GRIN2A: variants seen among roughly 807,000 people sequenced by gnomAD.
GRIN2A encodes the protein glutamate receptor ionotropic, NMDA 2A.
A neutral mutation model predicts 113.4 loss-of-function variants in GRIN2A; 22 were observed. That is an observed-to-expected ratio of 0.19 (90% CI 0.14 to 0.28). The LOEUF (loss-of-function observed/expected upper bound fraction) is 0.28, where lower values mean the gene tolerates loss of function less well. Ranked by LOEUF, GRIN2A falls within the 10% of genes least tolerant of loss-of-function variation. GRIN2A has a pLI of 1.00. For synonymous variants in GRIN2A, 827 were observed against 738.4 expected (o/e 1.12, Z -1.94); for missense variants, 1,502 against 1,887.0 (o/e 0.80, Z 3.78).
chr16:10,103,079 T>G (rs945170670), intron 2 of GRIN2A, among the ~76,000 whole-genome samples: 4 of 152,172 alleles, frequency 2.6e-5, no homozygotes, highest in African/African-American at 9.7e-5. Context: ...GATACTAATA[T>G]AGCAATTCCT....
chr16:10,176,868 A>C (rs1166624183), intron 2 of GRIN2A, among the ~76,000 whole-genome samples: 1 of 152,248 alleles, frequency 6.6e-6, no homozygotes, highest in African/African-American at 2.4e-5. Flanking sequence ...AAATAAAAAA[A>C]GTTAAAAAAA....
chr16:10,167,028 G>A (rs1456154809), intron 2 of GRIN2A, among the ~76,000 whole-genome samples: 2 of 152,188 alleles, frequency 1.3e-5, no homozygotes, highest in East Asian at 3.8e-4. Flanking sequence ...CTGATCAACA[G>A]TGGGCTATAG....
intron 4 of GRIN2A, among the ~76,000 whole-genome samples, chr16:9,876,666 G>A (rs2043372983): frequency 6.6e-6 from 1 of 152,158 alleles, no homozygotes; most frequent in African/African-American, 2.4e-5. Flanking sequence ...ACCTACTACA[G>A]GCCTGGCACT....
At chr16:9,855,299 G>T (rs904745939) in intron 4 of GRIN2A, among the ~76,000 whole-genome samples, 6 of 152,300 alleles carry the variant, frequency 3.9e-5, no homozygotes, top group African/African-American at 1.4e-4. Context: ...TTCATATGCT[G>T]TTATGAGGCT....
intron 2 of GRIN2A, among the ~76,000 whole-genome samples, chr16:10,015,131 A>G (rs1036657658): frequency 2.0e-5 from 3 of 151,468 alleles, no homozygotes; most frequent in Non-Finnish European, 4.4e-5. Flanking sequence ...GCACATGCCT[A>G]TAATCCCAGC....
chr16:9,765,131 A>G (rs542258202), intron 12 of GRIN2A, among the ~76,000 whole-genome samples, 183 bp from the exon 13 acceptor site: 3 of 152,194 alleles, frequency 2.0e-5, no homozygotes, highest in Non-Finnish European at 2.9e-5. Flanking sequence ...TGCAAAGCAT[A>G]GGGTTTATCT....
intron 4 of GRIN2A, among the ~76,000 whole-genome samples, chr16:9,882,339 A>G (rs1258362505): frequency 2.0e-5 from 3 of 152,208 alleles, no homozygotes; most frequent in South Asian, 2.1e-4. Context: ...CACAGACTCA[A>G]GAGAGCAATC....
intron 2 of GRIN2A, among the ~76,000 whole-genome samples, chr16:10,036,395 G>C (rs72772342): frequency 0.094 from 13,704 of 146,150 alleles, 710 homozygotes; most frequent in Non-Finnish European, 0.11. Context: ...TTGGCTCATA[G>C]ATGGTGTTCT....
chr16:10,140,486 T>G (rs1471101146), intron 2 of GRIN2A, among the ~76,000 whole-genome samples: 1 of 152,070 alleles, frequency 6.6e-6, no homozygotes, highest in Admixed American at 6.5e-5. Flanking sequence ...ATCTAGTAAA[T>G]TTTTCTATTA....
chr16:9,834,777 A>C (rs2042559584), intron 7 of GRIN2A, among the ~76,000 whole-genome samples: 1 of 152,212 alleles, frequency 6.6e-6, no homozygotes, highest in South Asian at 2.1e-4. Flanking sequence ...AATAGAGAAG[A>C]GCATAGGACA....
chr16:9,769,240 C>G, intron 11 of GRIN2A, 151 bp from the exon 12 acceptor site: 1 of 673,044 alleles, frequency 1.5e-6, no homozygotes, highest in Non-Finnish European at 2.7e-6. Context: ...TTGCTCACTT[C>G]TTGAGTGAAG....
intron 2 of GRIN2A, among the ~76,000 whole-genome samples, chr16:10,094,411 T>C (rs1432751685): frequency 1.3e-5 from 2 of 152,168 alleles, no homozygotes; most frequent in Admixed American, 6.5e-5. Context: ...TTTAGAACTC[T>C]AGTTCTCAGT....
intron 2 of GRIN2A, among the ~76,000 whole-genome samples, chr16:9,949,423 G>GTGGATGGATGGGTGGGTGGA (rs2045112196): frequency 6.6e-6 from 1 of 151,586 alleles, no homozygotes; most frequent in African/African-American, 2.4e-5. Flanking sequence ...GGATGGACAG[G>GTGGATGGATGGGTGGGTGGA]TGGATGGATG....
chr16:10,139,520 A>G (rs2049278503), intron 2 of GRIN2A, among the ~76,000 whole-genome samples: 1 of 152,260 alleles, frequency 6.6e-6, no homozygotes, highest in African/African-American at 2.4e-5. Flanking sequence ...TGCAATTTAA[A>G]CAAGACATCC....
At chr16:9,810,873 G>A (rs879455323) in intron 10 of GRIN2A, among the ~76,000 whole-genome samples, 16 of 152,194 alleles carry the variant, frequency 1.1e-4, no homozygotes, top group Non-Finnish European at 1.9e-4. Context: ...TTCTCTATGG[G>A]AGGAAGGAGG....
intron 2 of GRIN2A, among the ~76,000 whole-genome samples, chr16:10,069,722 A>G (rs1437405424): frequency 1.3e-5 from 2 of 152,256 alleles, no homozygotes; most frequent in African/African-American, 4.8e-5. Flanking sequence ...AGATATGCCC[A>G]GCCCAGGCTG....
intron 10 of GRIN2A, among the ~76,000 whole-genome samples, chr16:9,820,624 G>A (rs151115953): frequency 3.4e-4 from 52 of 152,300 alleles, no homozygotes; most frequent in African/African-American, 1.1e-3. Flanking sequence ...CAAACACAAT[G>A]TTGAGCCAAA....
At chr16:9,813,878 T>A (rs536349418) in intron 10 of GRIN2A, among the ~76,000 whole-genome samples, 1 of 152,288 alleles carries the variant, frequency 6.6e-6, no homozygotes, top group East Asian at 1.9e-4. Flanking sequence ...TTAGAACAGC[T>A]CACTGAACCC....
chr16:10,098,921 T>A (rs2352749), intron 2 of GRIN2A, among the ~76,000 whole-genome samples: 24,747 of 149,900 alleles, frequency 0.17, 2,538 homozygotes, highest in East Asian at 0.36. Flanking sequence ...ACCAAATACC[T>A]ACTGTCCCCC....
Sources: allele counts gnomAD v4.1 joint callset (sites outside exome capture counted in the v4.1 genomes callset), GRCh38; gene constraint gnomAD v4.1.1; transcripts MANE v1.5; gene names NCBI Gene and HGNC (gene_info 2026-07-23, HGNC 2026-07-21).